UGT1A8: variants seen among roughly 807,000 people sequenced by gnomAD.
The protein encoded by UGT1A8 is UDP-glucuronosyltransferase 1A8.
In UGT1A8, 39 loss-of-function variants were observed where a neutral mutation model predicts 45.3. The ratio of observed to expected loss-of-function variants is 0.86; its 90% confidence interval spans 0.67 to 1.12. UGT1A8 has a LOEUF of 1.12. Among genes scored for constraint, UGT1A8 ranks in the 50% most tolerant of loss-of-function variants. The probability of loss-of-function intolerance (pLI) is 0.00; values close to 1 mark genes in which losing one functional copy is unlikely to be tolerated. For missense variants in UGT1A8, 719 were observed against 664.9 expected (o/e 1.08, Z -0.90); for synonymous variants, 275 against 249.2 (o/e 1.10, Z -0.97).
chr2:233,683,217 A>G (rs910612705), intron 1 of UGT1A8, among the ~76,000 whole-genome samples: 5 of 152,166 alleles, frequency 3.3e-5, no homozygotes, highest in African/African-American at 1.2e-4. Flanking sequence ...TATTTTATCA[A>G]TATAAAATCT....
At chr2:233,681,209 T>G (rs2074513755) in intron 1 of UGT1A8, among the ~76,000 whole-genome samples, 1 of 151,920 alleles carries the variant, frequency 6.6e-6, no homozygotes, top group Non-Finnish European at 1.5e-5. Flanking sequence ...GATGCCAATT[T>G]CTTTCTGGGC....
rs909741702 is a variant in UGT1A8, at chr2:233,769,798, T to C, written c.1295+1359T>C. On this transcript the variant is annotated intron_variant, in intron 4 of 4. Coordinates refer to ENST00000373450, the MANE Select transcript of UGT1A8 (RefSeq NM_019076.5). This position sits in a 1 kb window ranked among gnomAD's most constrained non-coding sequence, Gnocchi z 4.4. ...TGAGCCCAGAAGTTGGAGGCTGCTA[T>C]GAGCCGTGATCATGCCACTGCACTC... The C allele has an allele frequency of 8.3e-7, 1 of 1,206,032 alleles. No homozygotes were observed. The highest frequency in any genetic ancestry group is 1.6e-5 in the African/African-American group (1 of 64,426). 74.7% of individuals were successfully genotyped at this position (1,206,032 alleles called of 1,614,324 possible). A position where few individuals can be genotyped will look rare whatever the true frequency, so the allele number is the denominator to read the frequency against.
intron 1 of UGT1A8, among the ~76,000 whole-genome samples, chr2:233,700,636 C>T (rs1374438438): frequency 6.6e-6 from 1 of 152,038 alleles, no homozygotes; most frequent in Admixed American, 6.5e-5. Context: ...GATTTAATGA[C>T]TTTAAGTGTT....
At chr2:233,630,558 A>C (rs2073168910) in intron 1 of UGT1A8, among the ~76,000 whole-genome samples, 1 of 152,122 alleles carries the variant, frequency 6.6e-6, no homozygotes, top group Admixed American at 6.6e-5. Context: ...AAGAGGTTTA[A>C]TTGGCTCACA....
At chr2:233,620,439 C>G (rs1393355529) in intron 1 of UGT1A8, among the ~76,000 whole-genome samples, 1 of 151,782 alleles carries the variant, frequency 6.6e-6, no homozygotes, top group African/African-American at 2.4e-5. Context: ...TTATTGTGGC[C>G]CAAGGGGTCA....
At chr2:233,712,285 C>A (rs1006045038) in intron 1 of UGT1A8, among the ~76,000 whole-genome samples, 14 of 152,370 alleles carry the variant, frequency 9.2e-5, no homozygotes, top group Middle Eastern at 3.4e-3. Flanking sequence ...AGCACCTCTT[C>A]TTCCATGGTG....
chr2:233,658,923 T>A (rs1030230750), intron 1 of UGT1A8, among the ~76,000 whole-genome samples: 3 of 152,246 alleles, frequency 2.0e-5, no homozygotes, highest in African/African-American at 7.2e-5. Flanking sequence ...TTTGCTATTG[T>A]AGGTTTTCTA....
intron 1 of UGT1A8, among the ~76,000 whole-genome samples, chr2:233,725,285 GGCAGAGGCAGAGGCA>G: frequency 1.1e-5 from 1 of 89,706 alleles, no homozygotes; most frequent in East Asian, 3.3e-4. Flanking sequence ...CAGAGGCAGA[GGCAGAGGCAGAGGCA>G]GAGGCAGAGG....
intron 1 of UGT1A8, among the ~76,000 whole-genome samples, chr2:233,727,889 C>A (rs906385439): frequency 1.3e-5 from 2 of 152,172 alleles, no homozygotes; most frequent in African/African-American, 4.8e-5. Flanking sequence ...CAATGGCAGA[C>A]ACGGCCAGGC....
intron 1 of UGT1A8, among the ~76,000 whole-genome samples, chr2:233,731,510 C>T (rs1236819305): frequency 6.6e-6 from 1 of 152,156 alleles, no homozygotes; most frequent in African/African-American, 2.4e-5. Context: ...GTTCAGTTCC[C>T]ACCTATGAGT....
intron 1 of UGT1A8, among the ~76,000 whole-genome samples, chr2:233,699,464 C>G (rs1471527294): frequency 6.6e-6 from 1 of 152,156 alleles, no homozygotes; most frequent in Non-Finnish European, 1.5e-5. Flanking sequence ...CAAAGGAGGT[C>G]AGAAGTAAAT....
chr2:233,718,891 C>A (rs1334385335), intron 1 of UGT1A8: 1 of 1,613,996 alleles, frequency 6.2e-7, no homozygotes, highest in East Asian at 2.2e-5. Flanking sequence ...AGTGTCCAGC[C>A]CTGGGCTGAG....
intron 1 of UGT1A8, among the ~76,000 whole-genome samples, chr2:233,759,429 C>A (rs1193069176): frequency 1.3e-5 from 2 of 152,114 alleles, no homozygotes; most frequent in Admixed American, 6.5e-5. Context: ...GGCCAGTTGG[C>A]TCTATTTTAA....
intron 1 of UGT1A8, among the ~76,000 whole-genome samples, chr2:233,651,516 G>T (rs1419258674): frequency 6.6e-6 from 1 of 152,128 alleles, no homozygotes; most frequent in Non-Finnish European, 1.5e-5. Flanking sequence ...ATATCTTTAT[G>T]AATTATAATA....
rs369685158 is a variant in UGT1A8, at chr2:233,713,685, GC to G, written c.856-53348del. On this transcript the variant is annotated intron_variant, in intron 1 of 4. Transcript: ENST00000373450. ...TTGCCATGCTGTTTCTGCTCCTTAT[GC>G]AAGCCTTGCCTCTGAGCTTTTTCAG... is the stretch of plus-strand genomic sequence containing the variant. The G allele has an allele frequency of 8.8e-4, 1,413 of 1,613,920 alleles. 18 individuals are homozygous for G. The South Asian group carries it at 0.011, about 13-fold the overall frequency.
rs28900368 is a variant in UGT1A8 at position 233,741,162 on chromosome 2, T to C, written c.856-25872T>C. ...CATTTATGACAGCACTAATCCAGGA[T>C]ATATCAAAACTGAACTTGTGTTTGC... On this transcript the variant is annotated intron_variant, in intron 1 of 4. Transcript: ENST00000373450. 1.4e-3 allele frequency among the ~76,000 whole-genome samples: 206 copies of C among 152,072 alleles called. 9 individuals are homozygous for C. The highest frequency in any genetic ancestry group is 4.8e-3 in the African/African-American group (198 of 41,316).
Position 233,747,854 on chromosome 2 carries a change from G to C in UGT1A8, c.856-19180G>C, listed in dbSNP as rs28900382. 4.1e-4 allele frequency: 669 copies of C among 1,613,508 alleles called. 5 individuals are homozygous for C. The East Asian group carries it at 0.011, about 27-fold the overall frequency. On this transcript the variant is annotated intron_variant, in intron 1 of 4. Coordinates refer to ENST00000373450, the MANE Select transcript of UGT1A8 (RefSeq NM_019076.5). ...CATTCCTGCAAAGGGTCAAGAACAT[G>C]CTCTACCCTCTGGCCCTGTCCTACC...
intron 1 of UGT1A8, among the ~76,000 whole-genome samples, chr2:233,663,185 T>A (rs1034652548): frequency 6.6e-6 from 1 of 152,162 alleles, no homozygotes; most frequent in Non-Finnish European, 1.5e-5. Flanking sequence ...GGATTCACCT[T>A]GCCTGCTGCC....
chr2:233,617,718 C>T lies in UGT1A8; in HGVS notation c.11C>T (p.Thr4Ile), dbSNP rs748478026. ...GGCTGCAGTTCTCTCATGGCTCGCA[C>T]AGGGTGGACCAGCCCCATTCCCCTA... is the stretch of plus-strand genomic sequence containing the variant. MAR[T>I]GWTSPIPLCV... The change falls in exon 1 of 5, where the codon ACA becomes ATA. Residue 4 changes from threonine to isoleucine, a missense_variant. Thr to Ile is a moderately conservative substitution (Grantham distance 89). Coordinates refer to ENST00000373450, the MANE Select transcript of UGT1A8 (RefSeq NM_019076.5). 62 of 1,612,980 alleles carry T rather than the reference C, an allele frequency of 3.8e-5. No homozygotes were observed. The South Asian group carries it at 6.8e-4, about 18-fold the overall frequency.
Sources: gnomAD v4.1 joint callset for allele counts (sites outside exome capture counted in the v4.1 genomes callset) on GRCh38, gnomAD v4.1.1 for gene constraint, Gnocchi (gnomAD v3.1) non-coding constraint, MANE v1.5 for transcripts, NCBI Gene and HGNC (gene_info 2026-07-23, HGNC 2026-07-21) for gene names.